The following CHCHD3 variants were observed in gnomAD, a reference collection of about 807,000 sequenced individuals.
CHCHD3 encodes the protein MICOS complex subunit MIC19.
Under a neutral mutation model 38.2 loss-of-function variants are expected in CHCHD3, and 20 were observed. The ratio of observed to expected loss-of-function variants is 0.52; its 90% CI spans 0.37 to 0.76. The LOEUF is 0.76. CHCHD3 is among the 30% of genes least tolerant of loss of function. The pLI is 0.00. For synonymous variants in CHCHD3, 82 were observed against 100.0 expected, an observed-to-expected ratio of 0.82 and a Z score of 1.07; for missense variants, 245 against 279.2, an observed-to-expected ratio of 0.88 and a Z score of 0.87.
chr7:132,969,773 C>T (rs1811565608), intron 4 of CHCHD3, among the ~76,000 whole-genome samples: 1 of 152,174 alleles, frequency 6.6e-6, no homozygotes, highest in African/African-American at 2.4e-5. Flanking sequence ...GCCATTTCCT[C>T]CTCTGCTCTT....
At chr7:133,081,752 C>T (rs1815177145) in intron 1 of CHCHD3, 105 bp downstream of exon 1, 3 of 1,141,714 alleles carry the variant, frequency 2.6e-6, no homozygotes, top group Non-Finnish European at 3.8e-6. Flanking sequence ...CCTTAATACG[C>T]TAGGGTCCAG....
Position 133,035,153 on chromosome 7 carries a change from G to T in CHCHD3, c.170-10526C>A. 1.9e-6 allele frequency: 3 copies of T among 1,612,900 alleles called. No homozygotes were observed. The highest frequency in any genetic ancestry group is 2.5e-6 in the Non-Finnish European group (3 of 1,179,054). Reference sequence around the variant, plus strand: ...CATCCATCTCCTCCTCAGGAGCAGGGGCAGCCGCCTTTTTCTCCTCCTTCC... The same window carrying T: ...CATCCATCTCCTCCTCAGGAGCAGGTGCAGCCGCCTTTTTCTCCTCCTTCC... On this transcript the variant is annotated intron_variant, in intron 2 of 7. Transcript: ENST00000262570. The surrounding 1 kb of genome is among the most constrained non-coding windows in gnomAD (Gnocchi z 4.7).
intron 4 of CHCHD3, among the ~76,000 whole-genome samples, chr7:132,928,728 G>C (rs1414609687): frequency 6.6e-6 from 1 of 152,014 alleles, no homozygotes; most frequent in African/African-American, 2.4e-5. Context: ...AATAGACTCA[G>C]CATTAACGTA....
At chr7:132,967,335 C>G (rs970474367) in intron 4 of CHCHD3, among the ~76,000 whole-genome samples, 4 of 152,242 alleles carry the variant, frequency 2.6e-5, no homozygotes, top group African/African-American at 9.6e-5. Context: ...TGACACAGTT[C>G]CTTGGAGAAT....
chr7:133,037,816 AAAAT>A (rs1203547887), intron 2 of CHCHD3, among the ~76,000 whole-genome samples: 1 of 152,210 alleles, frequency 6.6e-6, no homozygotes, highest in Non-Finnish European at 1.5e-5. Context: ...TGTCTCAGAA[AAAAT>A]AAATACATAC....
intron 4 of CHCHD3, among the ~76,000 whole-genome samples, chr7:132,971,144 C>T (rs558946018): frequency 1.3e-5 from 2 of 152,300 alleles, no homozygotes; most frequent in South Asian, 4.1e-4. Context: ...AAGATCTTTA[C>T]AATACACATA....
chr7:132,857,856 C>A (rs1017819065), intron 5 of CHCHD3, among the ~76,000 whole-genome samples: 1 of 152,160 alleles, frequency 6.6e-6, no homozygotes, highest in African/African-American at 2.4e-5. Flanking sequence ...AGAATCGGAG[C>A]TGAAGGAGAG....
At chr7:133,080,910 A>G (rs1815154307) in intron 1 of CHCHD3, among the ~76,000 whole-genome samples, 2 of 152,164 alleles carry the variant, frequency 1.3e-5, no homozygotes, top group South Asian at 4.1e-4. Context: ...AAAAAAATAT[A>G]TAAATTATTA....
chr7:132,860,311 AG>A (rs1368140338), intron 5 of CHCHD3, among the ~76,000 whole-genome samples: 1 of 94,208 alleles, frequency 1.1e-5, no homozygotes, highest in African/African-American at 5.1e-5. Flanking sequence ...ATAGAGAGAG[AG>A]AGAAAGAGAG....
At chr7:132,835,149 A>ATT (rs60504335) in intron 6 of CHCHD3, among the ~76,000 whole-genome samples, 75 of 138,848 alleles carry the variant, frequency 5.4e-4, no homozygotes, top group African/African-American at 1.0e-3. Context: ...TAATTTTTGT[A>ATT]TTTTTTTTTT....
intron 4 of CHCHD3, among the ~76,000 whole-genome samples, chr7:132,963,882 A>T (rs1423902286): frequency 1.3e-5 from 2 of 152,210 alleles, no homozygotes; most frequent in African/African-American, 4.8e-5. Flanking sequence ...TGAGATAATT[A>T]TTCTTGGAAG....
At chr7:132,805,264 C>A (rs1334508075) in intron 6 of CHCHD3, among the ~76,000 whole-genome samples, 1 of 151,300 alleles carries the variant, frequency 6.6e-6, no homozygotes, top group Non-Finnish European at 1.5e-5. Context: ...ACAGTACAGG[C>A]AGTATACACT....
chr7:132,989,619 C>A (rs952651304), intron 3 of CHCHD3, among the ~76,000 whole-genome samples: 1 of 152,176 alleles, frequency 6.6e-6, no homozygotes, highest in Non-Finnish European at 1.5e-5. Flanking sequence ...TAAATATTTT[C>A]TCCTACTGCA....
At chr7:132,806,120 C>A (rs369389078) in intron 6 of CHCHD3, among the ~76,000 whole-genome samples, 1 of 152,154 alleles carries the variant, frequency 6.6e-6, no homozygotes, top group Non-Finnish European at 1.5e-5. Flanking sequence ...AGTAGGGGAA[C>A]TGACCGTGGA....
intron 2 of CHCHD3, among the ~76,000 whole-genome samples, chr7:133,028,574 A>T (rs1813410242): frequency 6.6e-6 from 1 of 152,032 alleles, no homozygotes; most frequent in Admixed American, 6.6e-5. Context: ...TTATCATGAT[A>T]GTGGGACTGG....
chr7:132,889,596 C>T (rs1488468872), intron 4 of CHCHD3, among the ~76,000 whole-genome samples: 1 of 152,240 alleles, frequency 6.6e-6, no homozygotes, highest in African/African-American at 2.4e-5. Flanking sequence ...GACCCAACAC[C>T]ACCAAGTTAT....
intron 6 of CHCHD3, among the ~76,000 whole-genome samples, chr7:132,828,169 T>C (rs980462653): frequency 1.3e-5 from 2 of 152,232 alleles, no homozygotes; most frequent in Non-Finnish European, 2.9e-5. Flanking sequence ...AGCAAGTGTA[T>C]GCTTTACATT....
At chr7:132,947,735 T>C (rs1032224513) in intron 4 of CHCHD3, among the ~76,000 whole-genome samples, 1 of 152,036 alleles carries the variant, frequency 6.6e-6, no homozygotes, top group African/African-American at 2.4e-5. Context: ...ATCTAGATGA[T>C]GACTATGTTT....
chr7:132,846,345 G>A (rs1208286077), intron 5 of CHCHD3, among the ~76,000 whole-genome samples: 4 of 152,344 alleles, frequency 2.6e-5, no homozygotes, highest in East Asian at 1.9e-4. Context: ...ACAGCCTAGA[G>A]CAGCCAAACC....
Sources: gnomAD v4.1 joint callset for allele counts (sites outside exome capture counted in the v4.1 genomes callset) on GRCh38, gnomAD v4.1.1 for gene constraint, Gnocchi (gnomAD v3.1) non-coding constraint, MANE v1.5 for transcripts, NCBI Gene and HGNC (gene_info 2026-07-23, HGNC 2026-07-21) for gene names.